SPEF2: variants seen among roughly 807,000 people sequenced by gnomAD.
The protein encoded by SPEF2 is sperm flagella and cilia-associated protein 2.
In SPEF2, 187 loss-of-function variants were observed where a neutral mutation model predicts 224.6. That is an observed-to-expected ratio of 0.83 (90% CI 0.74 to 0.94). The LOEUF (loss-of-function observed/expected upper bound fraction) is 0.94. Among genes scored for constraint, SPEF2 ranks in the 40% least tolerant of loss-of-function variants. The pLI is 0.00. For missense variants in SPEF2, 2,170 were observed against 2,135.6 expected, an observed-to-expected ratio of 1.02 and a Z score of -0.32; for synonymous variants, 715 against 707.3, an observed-to-expected ratio of 1.01 and a Z score of -0.17.
chr5:35,779,274 G>C lies in SPEF2; in HGVS notation c.4375G>C (p.Glu1459Gln), dbSNP rs745369391. 6.2e-7 allele frequency: 1 copy of C among 1,613,818 alleles called. No individual in the cohort carries two copies. The highest frequency in any genetic ancestry group is 8.5e-7 in the Non-Finnish European group (1 of 1,179,902). The change falls in exon 30 of 37, where the codon GAA becomes CAA. Residue 1459 changes from glutamate to glutamine, a missense_variant. Glu to Gln is a conservative substitution (Grantham distance 29). Coordinates refer to ENST00000356031, the MANE Select transcript of SPEF2 (RefSeq NM_024867.4). ...AATACGTCCTCCACCTGTAGAAAAG[G>C]AAGAAGATGGTACCCTGACCATTGA... is the stretch of plus-strand genomic sequence containing the variant. ...PSIRPPPVEK[E>Q]EDGTLTIEQL... is the part of the protein sequence containing the mutation.
chr5:35,722,741 T>C (rs1743951431), intron 20 of SPEF2, among the ~76,000 whole-genome samples: 1 of 145,878 alleles, frequency 6.9e-6, no homozygotes, highest in African/African-American at 2.5e-5. Context: ...CGGTGTTTGG[T>C]TTTTTGTTCT....
chr5:35,772,249 A>C (rs1449087302), intron 27 of SPEF2, among the ~76,000 whole-genome samples: 1 of 152,176 alleles, frequency 6.6e-6, no homozygotes, highest in Non-Finnish European at 1.5e-5. Context: ...TTAGGAATGA[A>C]TAGCTTTGGC....
chr5:35,800,040 T>A lies in SPEF2; in HGVS notation c.4903T>A (p.Phe1635Ile), dbSNP rs1757216112. ...QLDYTQMLLY[F>I]ACHPDTVEGV... ...TGACTACACACAGATGCTGCTTTAC[T>A]TTGCTTGCCACCCAGACACCGTGGA... Residue 1635 changes from phenylalanine (F) to isoleucine (I), a missense_variant, in exon 34 of 37, where the codon TTT becomes ATT. Physicochemically the swap from Phe to Ile is conservative, Grantham distance 21 (BLOSUM62 0). Transcript: ENST00000356031. The A allele has an allele frequency of 1.2e-6, 2 of 1,614,176 alleles. No individual in the cohort carries two copies. Among genetic ancestry groups the A allele is most frequent in the Non-Finnish European group, 1.7e-6 (2 of 1,180,022 alleles).
chr5:35,790,600 C>T (rs938687678), intron 30 of SPEF2: 2 of 338,530 alleles, frequency 5.9e-6, no homozygotes, highest in African/African-American at 4.2e-5. Flanking sequence ...TGTGTTCTTT[C>T]ACACTCTTTT....
At chr5:35,692,865 A>G (rs1031799808) in intron 12 of SPEF2, 141 bp downstream of exon 12, 1 of 687,478 alleles carries the variant, frequency 1.5e-6, no homozygotes, top group Non-Finnish European at 2.2e-6. Context: ...GCAAAAGTCT[A>G]GAAAATAAAT....
chr5:35,753,820 C>T, intron 24 of SPEF2, 59 bp downstream of exon 24: 3 of 1,600,598 alleles, frequency 1.9e-6, no homozygotes, highest in Non-Finnish European at 1.7e-6. Flanking sequence ...ATTCCTCAGT[C>T]CTTCATATGA....
chr5:35,713,958 A>G (rs1312754434), intron 20 of SPEF2, among the ~76,000 whole-genome samples: 2 of 94,724 alleles, frequency 2.1e-5, no homozygotes, highest in African/African-American at 8.8e-5. Context: ...TATATATTTT[A>G]TATATAGTAT....
intron 8 of SPEF2, 136 bp downstream of exon 8, chr5:35,659,343 C>T: frequency 1.2e-6 from 1 of 809,130 alleles, no homozygotes; most frequent in Non-Finnish European, 1.9e-6. Context: ...GTTATCTGCC[C>T]ATTTTTATTT....
chr5:35,738,200 C>A (rs970578941), intron 21 of SPEF2, among the ~76,000 whole-genome samples: 5 of 151,992 alleles, frequency 3.3e-5, no homozygotes, highest in Non-Finnish European at 2.9e-5. Flanking sequence ...TTTGCTCTGC[C>A]GAAGCTCTTT....
intron 6 of SPEF2, among the ~76,000 whole-genome samples, chr5:35,652,622 TTAGCAGACATCAAC>T (rs1281952321): frequency 6.6e-6 from 1 of 152,160 alleles, no homozygotes; most frequent in African/African-American, 2.4e-5. Context: ...TATTTGAAAT[TTAGCAGACATCAAC>T]TATTTGCTGG....
intron 19 of SPEF2, among the ~76,000 whole-genome samples, 192 bp from the exon 20 acceptor site, chr5:35,712,620 T>A (rs1355167122): frequency 6.6e-6 from 1 of 152,246 alleles, no homozygotes; most frequent in African/African-American, 2.4e-5. Flanking sequence ...ATTAGAGCTA[T>A]CATTCCAGAA....
At chr5:35,790,607 T>C in intron 30 of SPEF2, 1 of 327,632 alleles carries the variant, frequency 3.1e-6, no homozygotes, top group South Asian at 1.5e-4. Context: ...TTTCACACTC[T>C]TTTGGTGGAG....
chr5:35,660,276 ACTC>A (rs1749527960), intron 8 of SPEF2, among the ~76,000 whole-genome samples: 2 of 152,046 alleles, frequency 1.3e-5, no homozygotes, highest in African/African-American at 4.8e-5. Context: ...ATTGAAGAGA[ACTC>A]CTGTGAGTGG....
chr5:35,749,187 T>C (rs555910399), intron 23 of SPEF2, among the ~76,000 whole-genome samples: 2 of 152,254 alleles, frequency 1.3e-5, no homozygotes, highest in South Asian at 4.1e-4. Context: ...AAAATTGGCA[T>C]ACAAGGGACA....
At chr5:35,776,802 G>A (rs1030955733) in intron 29 of SPEF2, among the ~76,000 whole-genome samples, 2 of 152,160 alleles carry the variant, frequency 1.3e-5, no homozygotes, top group African/African-American at 4.8e-5. Flanking sequence ...TCATTCACTG[G>A]AATGTTTTAC....
At chr5:35,814,258 A>G (rs1458619630) in intron 36 of SPEF2, among the ~76,000 whole-genome samples, 1 of 152,216 alleles carries the variant, frequency 6.6e-6, no homozygotes, top group Non-Finnish European at 1.5e-5. Flanking sequence ...AGGGTCCAAG[A>G]TCTTAGATAA....
chr5:35,670,176 A>G lies in SPEF2; in HGVS notation c.1473A>G (p.Thr491=), dbSNP rs1372076173. The G allele has an allele frequency of 1.2e-6, 2 of 1,612,100 alleles. No homozygotes were observed. Among genetic ancestry groups the G allele is most frequent in the Non-Finnish European group, 1.7e-6 (2 of 1,178,818 alleles). Residue 491 remains threonine (T), a synonymous_variant, in exon 10 of 37, where the codon ACA becomes ACG. Coordinates refer to ENST00000356031, the MANE Select transcript of SPEF2 (RefSeq NM_024867.4). The part of the protein sequence containing the change: ...LPANPSREQL[T]ELEKRDLLDT... ...CTAACCCCTCAAGAGAACAACTTACAGAACTGGAGAAAAGGGACTTGCTAG... is the reference window on the plus strand; with the variant it reads ...CTAACCCCTCAAGAGAACAACTTACGGAACTGGAGAAAAGGGACTTGCTAG...
intron 14 of SPEF2, among the ~76,000 whole-genome samples, chr5:35,696,349 T>G (rs1216985475): frequency 6.6e-6 from 1 of 152,180 alleles, no homozygotes; most frequent in Non-Finnish European, 1.5e-5. Context: ...TATAATATTT[T>G]AGGTTTCAAA....
chr5:35,700,402 T>G lies in SPEF2; in HGVS notation c.2142-94T>G, dbSNP rs940653828. ...TGAAATTCATGCAGTAGGAAGTTAT[T>G]GTGGAATTGAAAGAAAAAGGAAAGA... On this transcript the variant is annotated intron_variant, in intron 15 of 36. Coordinates refer to ENST00000356031, the MANE Select transcript of SPEF2 (RefSeq NM_024867.4). The G allele has an allele frequency of 2.7e-6, 3 of 1,131,804 alleles. No individual in the cohort carries two copies. The African/African-American group carries it at 4.7e-5, about 18-fold the overall frequency. The allele number at this position is 1,131,804 out of a possible 1,614,324, so 70.1% of individuals were successfully genotyped here. A position where few individuals can be genotyped will look rare whatever the true frequency, so the allele number is the denominator to read the frequency against.
Sources: allele counts gnomAD v4.1 joint callset (sites outside exome capture counted in the v4.1 genomes callset), GRCh38; gene constraint gnomAD v4.1.1; transcripts MANE v1.5; gene names NCBI Gene and HGNC (gene_info 2026-07-23, HGNC 2026-07-21).